Variants in SLC1A2 observed in about 807,000 individuals in gnomAD.
The protein encoded by SLC1A2 is solute carrier family 1 member 2, also known as excitatory amino acid transporter 2.
In SLC1A2, 15 loss-of-function variants were observed where a neutral mutation model predicts 48.8. The observed-to-expected ratio is 0.31, with a 90% CI of 0.21 to 0.47. SLC1A2 has a LOEUF of 0.47. SLC1A2 is among the 20% of genes least tolerant of loss of function. The pLI is 0.99. For synonymous variants in SLC1A2, 279 were observed against 272.6 expected, an observed-to-expected ratio of 1.02 and a Z score of -0.23; for missense variants, 502 against 730.5, an observed-to-expected ratio of 0.69 and a Z score of 3.61.
At chr11:35,360,637 G>A (rs1393655889) in intron 1 of SLC1A2, among the ~76,000 whole-genome samples, 12 of 152,156 alleles carry the variant, frequency 7.9e-5, no homozygotes, top group Non-Finnish European at 1.8e-4. Flanking sequence ...ATCTTTTCTT[G>A]ATGCTTAAAT....
intron 1 of SLC1A2, among the ~76,000 whole-genome samples, chr11:35,375,963 C>T (rs565176638): frequency 7.4e-4 from 112 of 152,274 alleles, no homozygotes; most frequent in African/African-American, 2.7e-3. Flanking sequence ...AGTCACAGAG[C>T]CAGAAGCGGA....
intron 1 of SLC1A2, among the ~76,000 whole-genome samples, chr11:35,331,275 A>C (rs530634457): frequency 2.2e-4 from 33 of 152,346 alleles, no homozygotes; most frequent in African/African-American, 7.7e-4. Flanking sequence ...CAGCAACACC[A>C]TGCCTCTAAA....
intron 1 of SLC1A2, among the ~76,000 whole-genome samples, chr11:35,415,370 G>C (rs1590296058): frequency 6.6e-6 from 1 of 152,168 alleles, no homozygotes; most frequent in South Asian, 2.1e-4. Flanking sequence ...ACTCACAAGC[G>C]ACTGTCTTAG....
At chr11:35,407,931 C>T (rs1855348863) in intron 1 of SLC1A2, among the ~76,000 whole-genome samples, 1 of 152,232 alleles carries the variant, frequency 6.6e-6, no homozygotes, top group African/African-American at 2.4e-5. Context: ...ACAAATAGCA[C>T]TCCATAAAGG....
At chr11:35,281,812 T>A (rs1850642854) in intron 8 of SLC1A2, 1 of 152,142 alleles carries the variant, frequency 6.6e-6, no homozygotes, top group Non-Finnish European at 1.5e-5. Flanking sequence ...TCCTCTTTTC[T>A]AGATGCCATT....
intron 1 of SLC1A2, among the ~76,000 whole-genome samples, chr11:35,400,324 C>T (rs1427112904): frequency 6.6e-6 from 1 of 152,108 alleles, no homozygotes; most frequent in Admixed American, 6.5e-5. Flanking sequence ...TATATACAGC[C>T]GTTAAACAAG....
chr11:35,333,610 T>C (rs557563586), intron 1 of SLC1A2, among the ~76,000 whole-genome samples: 16 of 152,180 alleles, frequency 1.1e-4, no homozygotes, highest in Non-Finnish European at 2.2e-4. Flanking sequence ...AAATTTATTC[T>C]AAAACCCTTT....
Position 35,301,549 on chromosome 11 carries a change from A to T in SLC1A2, c.827T>A (p.Ile276Asn), listed in dbSNP as rs1431104151. 1.2e-6 allele frequency: 2 copies of T among 1,613,726 alleles called. No homozygotes were observed. Among genetic ancestry groups the T allele is most frequent in the Non-Finnish European group, 1.7e-6 (2 of 1,179,720 alleles). The change falls in exon 6 of 11, where the codon ATT becomes AAT. Residue 276 changes from isoleucine to asparagine, a missense_variant. Ile to Asn is a moderately radical substitution (Grantham distance 149). This residue lies in a region of SLC1A2 where 309 missense variants were observed against 480.3 expected (regional missense o/e 0.64). Transcript: ENST00000278379. ...MVDFFNILNE[I>N]VMKLVIMIMW... ...GATCATGATCACTAACTTCATTACA[A>T]TCTCATTCAAAATGTTGAAGAAATC...
At chr11:35,399,427 T>A (rs1365078103) in intron 1 of SLC1A2, 1 of 158,650 alleles carries the variant, frequency 6.3e-6, no homozygotes, top group Non-Finnish European at 1.4e-5. Flanking sequence ...AGATTTCCTG[T>A]TCTCCATCAC....
intron 3 of SLC1A2, among the ~76,000 whole-genome samples, chr11:35,313,627 C>A (rs1366849995): frequency 1.3e-5 from 2 of 152,178 alleles, no homozygotes; most frequent in Non-Finnish European, 2.9e-5. Context: ...CTTCTCTTTA[C>A]AACCTAGTCT....
Position 35,312,414 on chromosome 11 carries a change from G to C in SLC1A2, c.345C>G (p.Arg115=). 1 of 1,614,166 alleles carries C rather than the reference G, an allele frequency of 6.2e-7. No homozygotes were observed. ...AATACACCATGGCTCTCGTGCCCAA[G>C]CGGCCACTAGCCTTAGCATCCAGGC... ...LSGLDAKASG[R]LGTRAMVYYM... The change falls in exon 4 of 11, where the codon CGC becomes CGG. Residue 115 remains arginine (R), a synonymous_variant. Transcript: ENST00000278379.
chr11:35,376,646 C>A (rs1329532334), intron 1 of SLC1A2, among the ~76,000 whole-genome samples: 2 of 152,028 alleles, frequency 1.3e-5, no homozygotes, highest in Non-Finnish European at 2.9e-5. Context: ...ATCCTGTTTC[C>A]ACTTATGTAT....
At chr11:35,373,094 C>T (rs966507995) in intron 1 of SLC1A2, among the ~76,000 whole-genome samples, 6 of 152,144 alleles carry the variant, frequency 3.9e-5, no homozygotes, top group Non-Finnish European at 7.3e-5. Context: ...TTCAGAAGCA[C>T]GACACACCAG....
chr11:35,360,668 A>G (rs542433291), intron 1 of SLC1A2, among the ~76,000 whole-genome samples: 1 of 152,220 alleles, frequency 6.6e-6, no homozygotes, highest in East Asian at 1.9e-4. Flanking sequence ...CCATAGCTTA[A>G]TTTACTCCTG....
At chr11:35,374,682 T>C (rs1218928246) in intron 1 of SLC1A2, among the ~76,000 whole-genome samples, 2 of 152,256 alleles carry the variant, frequency 1.3e-5, no homozygotes. Flanking sequence ...TGGTTAAAAG[T>C]ATCTACTCAC....
At chr11:35,295,287 C>A (rs765971355) in intron 6 of SLC1A2, among the ~76,000 whole-genome samples, 4 of 152,254 alleles carry the variant, frequency 2.6e-5, no homozygotes, top group Non-Finnish European at 5.9e-5. Flanking sequence ...TAGCCTCAAG[C>A]AAACCTCCCA....
At chr11:35,286,586 T>C (rs1412637021) in intron 8 of SLC1A2, 171 bp downstream of exon 8, 1 of 503,480 alleles carries the variant, frequency 2.0e-6, no homozygotes, top group Admixed American at 3.7e-5. Context: ...AAGAGTCTTC[T>C]TTCTTGTCAC....
rs758693027 is a variant in SLC1A2 at position 35,306,071 on chromosome 11, T to C, written c.730+3A>G. The stretch of plus-strand genomic sequence containing the variant: ...CAGAATCCCGGACCACCAGCTGGCC[T>C]ACCTAAGACGTTCATCCCATCCTTG... On this transcript the variant is annotated splice_donor_region_variant and intron_variant, in intron 5 of 10. Transcript: ENST00000278379. 3.1e-6 allele frequency: 5 copies of C among 1,613,098 alleles called. No individual in the cohort carries two copies. The Admixed American group carries it at 6.7e-5, about 22-fold the overall frequency.
At chr11:35,337,655 T>TAG (rs1375178013) in intron 1 of SLC1A2, among the ~76,000 whole-genome samples, 1 of 152,100 alleles carries the variant, frequency 6.6e-6, no homozygotes, top group Non-Finnish European at 1.5e-5. Context: ...ACCTATAGGG[T>TAG]AGAGTCCTTT....
Sources: allele counts gnomAD v4.1 joint callset (sites outside exome capture counted in the v4.1 genomes callset), GRCh38; gene constraint gnomAD v4.1.1; regional missense constraint gnomAD v4.1.1; transcripts MANE v1.5; gene names NCBI Gene and HGNC (gene_info 2026-07-23, HGNC 2026-07-21).